ZNF263: variants seen among roughly 807,000 people sequenced by gnomAD.
ZNF263 encodes the protein zinc finger protein 263.
A neutral mutation model predicts 63.1 loss-of-function variants in ZNF263; 49 were observed. The observed-to-expected ratio is 0.78, with a 90% confidence interval of 0.62 to 0.99. ZNF263 has a LOEUF of 0.99. ZNF263 is among the 50% of genes least tolerant of loss of function. The probability of loss-of-function intolerance (pLI) is 0.00; values close to 1 mark genes in which losing one functional copy is unlikely to be tolerated. For missense variants in ZNF263, 872 were observed against 854.8 expected, an observed-to-expected ratio of 1.02 and a Z score of -0.25; for synonymous variants, 352 against 324.2, an observed-to-expected ratio of 1.09 and a Z score of -0.92.
chr16:3,285,592 G>A (rs898750805), intron 2 of ZNF263, 89 bp from the exon 3 acceptor site: 11 of 1,320,428 alleles, frequency 8.3e-6, no homozygotes, highest in African/African-American at 1.4e-5. Flanking sequence ...CAGAGGCTGG[G>A]TGTTGGGGAA....
intron 4 of ZNF263, among the ~76,000 whole-genome samples, chr16:3,287,098 G>A (rs1462293017): frequency 6.6e-6 from 1 of 152,126 alleles, no homozygotes; most frequent in African/African-American, 2.4e-5. Context: ...AAGACACACC[G>A]CACATTGTTT....
chr16:3,285,100 G>GT lies in ZNF263; in HGVS notation c.429_430insT (p.Pro144SerfsTer21). 1 of 1,614,168 alleles carries GT rather than the reference G, an allele frequency of 6.2e-7. No homozygotes were observed. ...GGGGAACAGAAGTGCTTTTGGAGGAGCCTTTGCCTCTGGAAACAGCACGAG... is the reference window on the plus strand; with the variant it reads ...GGGGAACAGAAGTGCTTTTGGAGGAGTCCTTTGCCTCTGGAAACAGCACGAG... On this transcript the variant is annotated frameshift_variant, in exon 2 of 6. Coordinates refer to ENST00000219069, the MANE Select transcript of ZNF263 (RefSeq NM_005741.5). LOFTEE classifies it high-confidence loss of function.
In ZNF263 at chr16:3,290,201, T is replaced by C. The variant is rs775240770; in HGVS notation, c.1695T>C (p.His565=). Residue 565 remains histidine (H), a synonymous_variant, in exon 6 of 6, where the codon CAT becomes CAC. Coordinates refer to ENST00000219069, the MANE Select transcript of ZNF263 (RefSeq NM_005741.5). ...VSDSTPFLTN[H]GAHKAEKKLF... Reference sequence around the variant, plus strand: ...ACAGCACCCCCTTTCTTACAAACCATGGAGCCCATAAGGCAGAGAAGAAGC... The same window carrying C: ...ACAGCACCCCCTTTCTTACAAACCACGGAGCCCATAAGGCAGAGAAGAAGC... The C allele has an allele frequency of 6.2e-7, 1 of 1,614,144 alleles. No individual in the cohort carries two copies. Among genetic ancestry groups the C allele is most frequent in the South Asian group, 1.1e-5 (1 of 91,082 alleles).
At position 3,283,713 on chromosome 16, in the gene ZNF263, C is replaced by G; in HGVS notation, c.-106C>G. The G allele has an allele frequency of 7.2e-7, 1 of 1,394,964 alleles. No individual in the cohort carries two copies. The highest frequency in any genetic ancestry group is 1.7e-5 in the South Asian group (1 of 57,794). 86.4% of individuals were successfully genotyped at this position (1,394,964 alleles called of 1,614,324 possible). A position where few individuals can be genotyped will look rare whatever the true frequency, so the allele number is the denominator to read the frequency against. On this transcript the variant is annotated 5_prime_UTR_variant, in exon 1 of 6. Coordinates refer to ENST00000219069, the MANE Select transcript of ZNF263 (RefSeq NM_005741.5). Reference sequence around the variant, plus strand: ...GGCTCCTCGGCCTGGACTGGGAGCCCCCGGCCCCGGGCTCCTGCTGGCGCC... The same window carrying G: ...GGCTCCTCGGCCTGGACTGGGAGCCGCCGGCCCCGGGCTCCTGCTGGCGCC...
downstream of ZNF263, among the ~76,000 whole-genome samples, chr16:3,295,990 C>T (rs1461239705): frequency 1.3e-5 from 2 of 152,172 alleles, no homozygotes; most frequent in Non-Finnish European, 2.9e-5. Flanking sequence ...TGCAGCTTGC[C>T]TGGGAGATAC....
exon 2 of ZNF263, chr16:3,299,129 C>T: frequency 6.8e-7 from 1 of 1,474,504 alleles, no homozygotes. Context: ...CTCTGAAACT[C>T]AGGTGTGGCA....
chr16:3,285,860 T>G, intron 3 of ZNF263, 106 bp downstream of exon 3: 2 of 1,514,760 alleles, frequency 1.3e-6, no homozygotes, highest in South Asian at 1.1e-5. Context: ...CCACAGCGTC[T>G]CCCCCACTGC....
Position 3,290,642 on chromosome 16 carries a change from C to T in ZNF263, c.*84C>T, listed in dbSNP as rs140718208. ...CAAGAGCTGGTATTCCCTGCCCAGC[C>T]GACCAAATGACCTCTGCATTCTTCA... On this transcript the variant is annotated 3_prime_UTR_variant, in exon 6 of 6. Coordinates refer to ENST00000219069, the MANE Select transcript of ZNF263 (RefSeq NM_005741.5). 4.7e-6 allele frequency: 7 copies of T among 1,497,454 alleles called. No homozygotes were observed. The highest frequency in any genetic ancestry group is 2.3e-5 in the East Asian group (1 of 43,730). The allele number at this position is 1,497,454 out of a possible 1,614,324, so 92.8% of individuals were successfully genotyped here. A position where few individuals can be genotyped will look rare whatever the true frequency, so the allele number is the denominator to read the frequency against.
At chr16:3,299,793 G>C (rs137884248) in intron 2 of ZNF263, 250 of 1,578,840 alleles carry the variant, frequency 1.6e-4, no homozygotes, top group East Asian at 7.8e-4. Context: ...GAAAATGTCG[G>C]ACCTCAGGAA....
chr16:3,290,246 T>G lies in ZNF263; in HGVS notation c.1740T>G (p.Cys580Trp). Residue 580 changes from cysteine (C) to tryptophan (W), a missense_variant, in exon 6 of 6, where the codon TGT (cysteine) becomes TGG (tryptophan). Coordinates refer to ENST00000219069, the MANE Select transcript of ZNF263 (RefSeq NM_005741.5). ...AGAAGCTCTTTGAATGTTTGACTTG[T>G]GGGAAAAGCTTCCGGCAGGGCATGC... Reference protein sequence around the residue: ...AEKKLFECLTCGKSFRQGMHL... With the variant: ...AEKKLFECLTWGKSFRQGMHL... The G allele has an allele frequency of 6.2e-7, 1 of 1,614,104 alleles. No individual in the cohort carries two copies. The highest frequency in any genetic ancestry group is 8.5e-7 in the Non-Finnish European group (1 of 1,180,020).
Position 3,299,542 on chromosome 16 carries a change from T to C in ZNF263, c.*46+386T>C, listed in dbSNP as rs774093106. On this transcript the variant is annotated intron_variant, in intron 2 of 2. Coordinates refer to the ZNF263 transcript ENST00000574674. ...TTTATCTCCTTTCTCTTGCTCATCA[T>C]CACTTTCTTCAAATATTACAAGACT... 7.2e-6 allele frequency: 11 copies of C among 1,527,080 alleles called. No homozygotes were observed. In the East Asian group the frequency reaches 1.4e-4, roughly 19 times the overall value. 94.6% of individuals were successfully genotyped at this position (1,527,080 alleles called of 1,614,324 possible). A position where few individuals can be genotyped will look rare whatever the true frequency, so the allele number is the denominator to read the frequency against.
Position 3,289,813 on chromosome 16 carries a change from G to A in ZNF263, c.1307G>A (p.Cys436Tyr). The change falls in exon 6 of 6, where the codon TGC becomes TAC. Residue 436 changes from cysteine (C) to tyrosine (Y), a missense_variant. By Grantham distance (194) the Cys-to-Tyr change is radical (BLOSUM62 -2). Coordinates refer to ENST00000219069, the MANE Select transcript of ZNF263 (RefSeq NM_005741.5). ...CACCTGGGAGAGGAGGCCCACAAGTGCCTTGAATGTGGGAAATGCTTCAGT... is the reference window on the plus strand; with the variant it reads ...CACCTGGGAGAGGAGGCCCACAAGTACCTTGAATGTGGGAAATGCTTCAGT... The part of the protein sequence containing the change: ...RAHLGEEAHK[C>Y]LECGKCFSQN... The A allele has an allele frequency of 6.2e-7, 1 of 1,614,226 alleles. No homozygotes were observed. Among genetic ancestry groups the A allele is most frequent in the Non-Finnish European group, 8.5e-7 (1 of 1,180,040 alleles).
At chr16:3,284,516 C>T (rs1021116216) in intron 1 of ZNF263, among the ~76,000 whole-genome samples, 1 of 152,216 alleles carries the variant, frequency 6.6e-6, no homozygotes, top group Admixed American at 6.5e-5. Flanking sequence ...TACTTGATCT[C>T]TTTCGGCCTG....
chr16:3,300,189 CCCA>C, intron 2 of ZNF263: 1 of 1,614,184 alleles, frequency 6.2e-7, no homozygotes, highest in Non-Finnish European at 8.5e-7. Context: ...GGACTTGTTC[CCCA>C]CATCCTTTTC....
intron 4 of ZNF263, 69 bp from the exon 5 acceptor site, chr16:3,288,385 C>G: frequency 8.7e-7 from 1 of 1,144,792 alleles, no homozygotes; most frequent in Non-Finnish European, 1.3e-6. Flanking sequence ...GGGCAGGGAA[C>G]AAGACTGTTT....
intron 5 of ZNF263, among the ~76,000 whole-genome samples, chr16:3,288,803 G>A (rs545700403): frequency 3.9e-5 from 6 of 151,964 alleles, no homozygotes; most frequent in South Asian, 4.2e-4. Flanking sequence ...GCGCCACCAC[G>A]CCCAGCTAAT....
At position 3,299,157 on chromosome 16, in the gene ZNF263, G is replaced by T; in HGVS notation, c.*46+1G>T. ...GTGTGGCATCAACAAAGTCAAGAAG[G>T]TAGTCCAAACTCTCTCTTACAGCAG... On this transcript the variant is annotated splice_donor_variant, in intron 2 of 2. Transcript: ENST00000574674. LOFTEE classifies it low-confidence loss of function (3UTR_SPLICE). 6.5e-7 allele frequency: 1 copy of T among 1,536,196 alleles called. No individual in the cohort carries two copies. Among genetic ancestry groups the T allele is most frequent in the Non-Finnish European group, 8.7e-7 (1 of 1,145,760 alleles).
At position 3,285,682 on chromosome 16, in the gene ZNF263, A is replaced by G. The variant is rs991657085; in HGVS notation, c.570A>G (p.Ala190=). The change falls in exon 3 of 6, where the codon GCA becomes GCG. Residue 190 remains alanine (A), a splice_region_variant and synonymous_variant. Coordinates refer to ENST00000219069, the MANE Select transcript of ZNF263 (RefSeq NM_005741.5). ...CATTATAATTTCTGTCACCTTCAGC[A>G]TTATCTGCTCCCTGGCTTTCTCTTT... ...QRDPQAVKER[A]LSAPWLSLFP... 4 of 1,613,946 alleles carry G rather than the reference A, an allele frequency of 2.5e-6. No homozygotes were observed. In the African/African-American group the frequency reaches 5.3e-5, roughly 22 times the overall value.
intron 1 of ZNF263, among the ~76,000 whole-genome samples, chr16:3,298,120 G>A (rs1324053968): frequency 1.3e-5 from 2 of 152,212 alleles, no homozygotes; most frequent in Non-Finnish European, 1.5e-5. Flanking sequence ...ACCATCAAAT[G>A]TGAGGTTAAG....
Sources: gnomAD v4.1 joint callset for allele counts (sites outside exome capture counted in the v4.1 genomes callset) on GRCh38, gnomAD v4.1.1 for gene constraint, MANE v1.5 for transcripts, NCBI Gene and HGNC (gene_info 2026-07-23, HGNC 2026-07-21) for gene names.